Variants in CXCL13 observed in about 807,000 individuals in gnomAD.
CXCL13 encodes C-X-C motif chemokine ligand 13, also known as C-X-C motif chemokine 13.
A neutral mutation model predicts 12.2 loss-of-function variants in CXCL13; 7 were observed. The ratio of observed to expected loss-of-function variants is 0.57; its 90% CI spans 0.33 to 1.07. The LOEUF (loss-of-function observed/expected upper bound fraction) is 1.07, where lower values mean the gene tolerates loss of function less well. Among genes scored for constraint, CXCL13 ranks in the 50% least tolerant of loss-of-function variants. The pLI is 0.04. For missense variants in CXCL13, 113 were observed against 127.4 expected, an observed-to-expected ratio of 0.89 and a Z score of 0.55; for synonymous variants, 47 against 42.4, an observed-to-expected ratio of 1.11 and a Z score of -0.42.
intron 1 of CXCL13, among the ~76,000 whole-genome samples, chr4:77,521,422 A>G (rs1053920711): frequency 6.6e-5 from 10 of 152,106 alleles, no homozygotes; most frequent in Admixed American, 6.6e-4. Flanking sequence ...CAGAGATTCA[A>G]CTTCTTCCTG....
chr4:77,552,112 G>A (rs1043600037), intron 1 of CXCL13, among the ~76,000 whole-genome samples: 19 of 152,066 alleles, frequency 1.2e-4, no homozygotes, highest in African/African-American at 2.7e-4. Flanking sequence ...AGGGTCCTTC[G>A]CTGGAGAGGT....
intron 1 of CXCL13, among the ~76,000 whole-genome samples, chr4:77,586,049 T>C (rs1726449038): frequency 6.6e-6 from 1 of 152,198 alleles, no homozygotes; most frequent in Non-Finnish European, 1.5e-5. Flanking sequence ...CTATAAACAA[T>C]GCAACATAAT....
At chr4:77,551,566 G>GT (rs1354071421) in intron 1 of CXCL13, among the ~76,000 whole-genome samples, 2 of 152,206 alleles carry the variant, frequency 1.3e-5, no homozygotes, top group East Asian at 3.8e-4. Context: ...ACCTTGGACA[G>GT]TCTGGTGACT....
chr4:77,575,493 G>C (rs1242020784), intron 1 of CXCL13, among the ~76,000 whole-genome samples: 1 of 151,392 alleles, frequency 6.6e-6, no homozygotes. Flanking sequence ...TCCCCTCCCT[G>C]TGTCCATGTG....
In CXCL13 at chr4:77,575,626, G is replaced by T. The variant is rs565080310; in HGVS notation, c.-42-30198G>T. 1.5e-3 allele frequency among the ~76,000 whole-genome samples: 225 copies of T among 151,964 alleles called. 12 individuals carry two copies. The South Asian group carries it at 0.044, about 30-fold the overall frequency. On this transcript the variant is annotated intron_variant, in intron 1 of 4. Coordinates refer to the CXCL13 transcript ENST00000286758. ...CCATGTCCCTGCAAAGGACATGAAT[G>T]CATCTTTTTTTATGGCTGCATAGTA...
Position 77,523,916 on chromosome 4 carries a change from T to A in CXCL13, c.-43+12128T>A, listed in dbSNP as rs189616742. Among the ~76,000 whole-genome samples, 469 of 152,002 alleles carry A rather than the reference T, an allele frequency of 3.1e-3. 1 individual carries two copies. Among genetic ancestry groups the A allele is most frequent in the African/African-American group, 0.01 (432 of 41,458 alleles). On this transcript the variant is annotated intron_variant, in intron 1 of 4. Transcript: ENST00000286758. Reference sequence around the variant, plus strand: ...TTTGGTGTAGATGTCCTTTTGTTGATGTTGATGCTATTCCTTTCTGTTTGT... The same window carrying A: ...TTTGGTGTAGATGTCCTTTTGTTGAAGTTGATGCTATTCCTTTCTGTTTGT...
intron 1 of CXCL13, among the ~76,000 whole-genome samples, chr4:77,593,094 T>A (rs879296151): frequency 4.6e-5 from 7 of 152,168 alleles, no homozygotes; most frequent in Non-Finnish European, 7.3e-5. Context: ...TTCCTTTGAA[T>A]TTCAGTGGTC....
chr4:77,606,011 G>T, intron 1 of CXCL13, 82 bp downstream of exon 1: 8 of 956,850 alleles, frequency 8.4e-6, no homozygotes, highest in Non-Finnish European at 1.3e-5. Context: ...ATTAAAAACC[G>T]CAGGGAAGTC....
chr4:77,595,530 C>T (rs1024835944), intron 1 of CXCL13, among the ~76,000 whole-genome samples: 4 of 152,086 alleles, frequency 2.6e-5, no homozygotes, highest in Non-Finnish European at 5.9e-5. Flanking sequence ...ATCAAATAAG[C>T]CTTTCTTTGT....
chr4:77,592,898 C>T (rs1726650090), intron 1 of CXCL13, among the ~76,000 whole-genome samples: 2 of 152,258 alleles, frequency 1.3e-5, no homozygotes, highest in East Asian at 1.9e-4. Flanking sequence ...AAGATTTCTC[C>T]AAAACAGGAA....
intron 1 of CXCL13, among the ~76,000 whole-genome samples, chr4:77,517,648 T>C (rs1277633902): frequency 2.6e-5 from 4 of 152,214 alleles, no homozygotes; most frequent in Non-Finnish European, 4.4e-5. Flanking sequence ...TTTTTTGTTT[T>C]CCATTTGCTT....
At chr4:77,572,270 A>G (rs184429069) in intron 1 of CXCL13, among the ~76,000 whole-genome samples, 4 of 151,938 alleles carry the variant, frequency 2.6e-5, no homozygotes, top group African/African-American at 9.7e-5. Context: ...GAGTGGTGGC[A>G]CATGCCTGTA....
chr4:77,542,472 G>T (rs560978926), intron 1 of CXCL13, among the ~76,000 whole-genome samples: 1 of 152,128 alleles, frequency 6.6e-6, no homozygotes, highest in East Asian at 1.9e-4. Flanking sequence ...ATGAGTGCAA[G>T]GTGTCTTAGT....
At chr4:77,530,312 C>A (rs1026215335) in intron 1 of CXCL13, among the ~76,000 whole-genome samples, 2 of 152,100 alleles carry the variant, frequency 1.3e-5, no homozygotes, top group South Asian at 2.1e-4. Context: ...AGGAGGATTC[C>A]CTCTTTTTCT....
At chr4:77,552,983 T>G (rs561612717) in intron 1 of CXCL13, among the ~76,000 whole-genome samples, 1 of 152,082 alleles carries the variant, frequency 6.6e-6, no homozygotes, top group East Asian at 1.9e-4. Context: ...CCATGAAGAG[T>G]GCGGCTGCTC....
chr4:77,528,995 A>G (rs1724840085), intron 1 of CXCL13, among the ~76,000 whole-genome samples: 1 of 152,186 alleles, frequency 6.6e-6, no homozygotes, highest in African/African-American at 2.4e-5. Context: ...CTTTCTACAT[A>G]TGGCTAGCCA....
intron 1 of CXCL13, among the ~76,000 whole-genome samples, chr4:77,585,364 A>G (rs1578065811): frequency 6.6e-6 from 1 of 152,344 alleles, no homozygotes; most frequent in African/African-American, 2.4e-5. Context: ...TTAAATCATG[A>G]TTAAATCTCA....
chr4:77,580,208 C>A (rs1409379503), intron 1 of CXCL13, among the ~76,000 whole-genome samples: 1 of 147,324 alleles, frequency 6.8e-6, no homozygotes, highest in Non-Finnish European at 1.5e-5. Flanking sequence ...GCAATCTATG[C>A]ATGTAACAAA....
chr4:77,610,321 G>A (rs985030007), intron 2 of CXCL13, among the ~76,000 whole-genome samples: 1 of 152,068 alleles, frequency 6.6e-6, no homozygotes, highest in African/African-American at 2.4e-5. Context: ...TAAGTTATTT[G>A]GTTGTTCTCC....
Sources: gnomAD v4.1 joint callset for allele counts (sites outside exome capture counted in the v4.1 genomes callset) on GRCh38, gnomAD v4.1.1 for gene constraint, MANE v1.5 for transcripts, NCBI Gene and HGNC (gene_info 2026-07-23, HGNC 2026-07-21) for gene names.